Variants in RFC3 observed in about 807,000 individuals in gnomAD.
The protein encoded by RFC3 is replication factor C subunit 3.
Under a neutral mutation model 45.1 loss-of-function variants are expected in RFC3, and 41 were observed. The observed-to-expected ratio is 0.91, with a 90% CI of 0.71 to 1.18. The LOEUF is 1.18. Ranked by LOEUF, RFC3 falls within the 50% of genes most tolerant of loss-of-function variation. The pLI, the probability that RFC3 is intolerant of heterozygous loss-of-function variation, is 0.00. For missense variants in RFC3, 423 were observed against 428.1 expected (o/e 0.99, Z 0.10); for synonymous variants, 149 against 144.0 (o/e 1.03, Z -0.25).
intron 8 of RFC3, among the ~76,000 whole-genome samples, chr13:33,858,492 T>C (rs920319673): frequency 1.4e-4 from 21 of 152,304 alleles, no homozygotes; most frequent in African/African-American, 5.1e-4. Flanking sequence ...CACTCTTCAC[T>C]TCACAAGCCC....
At chr13:33,932,916 CA>C (rs1246655153) in intron 8 of RFC3, among the ~76,000 whole-genome samples, 1 of 152,152 alleles carries the variant, frequency 6.6e-6, no homozygotes, top group Admixed American at 6.5e-5. Context: ...TGTAGGCTGA[CA>C]GCCTAAATGG....
chr13:33,902,855 T>C (rs530880156), intron 8 of RFC3, among the ~76,000 whole-genome samples: 7 of 151,872 alleles, frequency 4.6e-5, no homozygotes, highest in Non-Finnish European at 8.8e-5. Context: ...CTGGTCCACA[T>C]TGGAAGAAAA....
chr13:33,924,934 T>C (rs962810089), intron 8 of RFC3, among the ~76,000 whole-genome samples: 1 of 150,448 alleles, frequency 6.6e-6, no homozygotes, highest in Non-Finnish European at 1.5e-5. Context: ...AAAAAATAAC[T>C]AGGTGAGATG....
At position 33,829,833 on chromosome 13, in the gene RFC3, CAGT is replaced by C; in HGVS notation, c.392-2_392del. 5 of 1,612,766 alleles carry C rather than the reference CAGT, an allele frequency of 3.1e-6. No individual in the cohort carries two copies. The highest frequency in any genetic ancestry group is 4.2e-6 in the Non-Finnish European group (5 of 1,178,742). ...AAGTTTGTTTTGTTTCTCTTTGACT[CAGT>C]GGTATTATTGACAGAAGTTGACAAA... On this transcript the variant is annotated splice_acceptor_variant and coding_sequence_variant, in exon 5 of 9. Coordinates refer to ENST00000380071, the MANE Select transcript of RFC3 (RefSeq NM_002915.4). LOFTEE classifies it high-confidence loss of function.
chr13:33,961,642 G>A (rs988506686), intron 8 of RFC3, among the ~76,000 whole-genome samples: 1 of 152,196 alleles, frequency 6.6e-6, no homozygotes, highest in Non-Finnish European at 1.5e-5. Flanking sequence ...AGACATCAAA[G>A]CTGCTAACTC....
chr13:33,866,236 T>A (rs557297524), intron 8 of RFC3, among the ~76,000 whole-genome samples: 1 of 152,286 alleles, frequency 6.6e-6, no homozygotes, highest in South Asian at 2.1e-4. Context: ...ACCTTTGAGA[T>A]GTGGTCCAGG....
chr13:33,914,316 A>G (rs2082720536), intron 8 of RFC3, among the ~76,000 whole-genome samples: 2 of 152,226 alleles, frequency 1.3e-5, no homozygotes, highest in Non-Finnish European at 2.9e-5. Flanking sequence ...AAAAGTAATT[A>G]TCTATCCATT....
At chr13:33,958,190 G>A (rs2083033738) in intron 8 of RFC3, among the ~76,000 whole-genome samples, 1 of 152,226 alleles carries the variant, frequency 6.6e-6, no homozygotes, top group Admixed American at 6.5e-5. Context: ...TTAAATGCCA[G>A]AGCATGAAGA....
chr13:33,897,179 A>G (rs2082605549), intron 8 of RFC3, among the ~76,000 whole-genome samples: 2 of 152,146 alleles, frequency 1.3e-5, no homozygotes, highest in Non-Finnish European at 2.9e-5. Flanking sequence ...CAAATATATC[A>G]AAAACAATAA....
intron 8 of RFC3, among the ~76,000 whole-genome samples, chr13:33,951,951 G>A (rs2082993880): frequency 6.6e-6 from 1 of 152,170 alleles, no homozygotes; most frequent in South Asian, 2.1e-4. Flanking sequence ...CTTATCAATT[G>A]GAAGTCAAGA....
chr13:33,885,463 G>A (rs1288828708), intron 8 of RFC3, among the ~76,000 whole-genome samples: 1 of 152,010 alleles, frequency 6.6e-6, no homozygotes, highest in Non-Finnish European at 1.5e-5. Context: ...TACACATTAA[G>A]TAATTTCTCA....
chr13:33,877,658 A>G (rs1455868482), intron 8 of RFC3, among the ~76,000 whole-genome samples: 1 of 150,714 alleles, frequency 6.6e-6, no homozygotes, highest in Admixed American at 6.6e-5. Flanking sequence ...TATATAATAA[A>G]CATTGTATTA....
Position 33,853,474 on chromosome 13 carries a change from T to G in RFC3, c.879+18257T>G, listed in dbSNP as rs374871794. Among the ~76,000 whole-genome samples, 9 of 152,124 alleles carry G rather than the reference T, an allele frequency of 5.9e-5. No homozygotes were observed. In the East Asian group the frequency reaches 1.2e-3, roughly 20 times the overall value. On this transcript the variant is annotated intron_variant, in intron 8 of 8. Coordinates refer to the RFC3 transcript ENST00000434425. ...GTGCCTGCAACTGGTTGCCTCCAAT[T>G]ATCCCATTTGCTCAAGAAAAGAAAA... is the stretch of plus-strand genomic sequence containing the variant.
At chr13:33,921,940 G>A (rs1337659984) in intron 8 of RFC3, among the ~76,000 whole-genome samples, 6 of 152,106 alleles carry the variant, frequency 3.9e-5, no homozygotes, top group Admixed American at 3.9e-4. Context: ...GAGAAATCTG[G>A]TTTTGCCTCC....
At chr13:33,944,453 G>C (rs532642013) in intron 8 of RFC3, among the ~76,000 whole-genome samples, 1 of 152,214 alleles carries the variant, frequency 6.6e-6, no homozygotes, top group South Asian at 2.1e-4. Context: ...TCTACTTTTA[G>C]GTGAAGGAAA....
At chr13:33,903,205 C>G (rs975815689) in intron 8 of RFC3, among the ~76,000 whole-genome samples, 1 of 152,102 alleles carries the variant, frequency 6.6e-6, no homozygotes, top group East Asian at 1.9e-4. Flanking sequence ...GTCACTTTCT[C>G]AGGTCTAGGC....
chr13:33,836,596 T>G lies in RFC3; in HGVS notation c.*301T>G. ...TCCTCCTATTCTCTTCCGTCTAATC[T>G]CTCACCTGCTAAAGGAGATTTACAC... On this transcript the variant is annotated 3_prime_UTR_variant, in exon 9 of 9. Transcript: ENST00000380071. The G allele has an allele frequency of 9.6e-7, 1 of 1,046,012 alleles. No homozygotes were observed. The highest frequency in any genetic ancestry group is 1.2e-6 in the Non-Finnish European group (1 of 867,974). 64.8% of individuals were successfully genotyped at this position (1,046,012 alleles called of 1,614,324 possible).
chr13:33,910,364 A>C (rs1566024956), intron 8 of RFC3, among the ~76,000 whole-genome samples: 1 of 152,154 alleles, frequency 6.6e-6, no homozygotes, highest in Non-Finnish European at 1.5e-5. Context: ...GGGGATTATT[A>C]ATAGGACTAT....
At chr13:33,934,149 T>C (rs1047890251) in intron 8 of RFC3, among the ~76,000 whole-genome samples, 6 of 150,866 alleles carry the variant, frequency 4.0e-5, no homozygotes, top group Admixed American at 1.3e-4. Flanking sequence ...CTGGGCAACA[T>C]AGCAAGACTT....
Sources: gnomAD v4.1 joint callset for allele counts (sites outside exome capture counted in the v4.1 genomes callset) on GRCh38, gnomAD v4.1.1 for gene constraint, MANE v1.5 for transcripts, NCBI Gene and HGNC (gene_info 2026-07-23, HGNC 2026-07-21) for gene names.